MSRB3: variants seen among roughly 807,000 people sequenced by gnomAD.
MSRB3 encodes the protein methionine-R-sulfoxide reductase B3.
Under a neutral mutation model 21.0 loss-of-function variants are expected in MSRB3, and 13 were observed. That is an observed-to-expected ratio of 0.62 (90% CI 0.40 to 0.98). The LOEUF is 0.98. Ranked by LOEUF, MSRB3 falls within the 50% of genes least tolerant of loss-of-function variation. The pLI, the probability that MSRB3 is intolerant of heterozygous loss-of-function variation, is 0.00. For synonymous variants in MSRB3, 87 were observed against 88.6 expected (o/e 0.98, Z 0.10); for missense variants, 199 against 230.3 (o/e 0.86, Z 0.88).
rs892851312 is a variant in MSRB3 at position 65,446,465 on chromosome 12, C to T, written c.293-7263C>T. Among the ~76,000 whole-genome samples the T allele has an allele frequency of 9.9e-5, 15 of 152,092 alleles. No homozygotes were observed. In the South Asian group the frequency reaches 1.5e-3, roughly 15 times the overall value. The stretch of plus-strand genomic sequence containing the variant: ...TGTAGTTAGTAGAAAAATTATGATG[C>T]GTCAAATTTGTTGCTTCTTCAAATG... On this transcript the variant is annotated intron_variant, in intron 5 of 6. Coordinates refer to ENST00000308259, the MANE Select transcript of MSRB3 (RefSeq NM_001031679.3).
At chr12:65,441,288 G>A (rs1255477414) in intron 5 of MSRB3, among the ~76,000 whole-genome samples, 5 of 151,886 alleles carry the variant, frequency 3.3e-5, no homozygotes, top group African/African-American at 1.2e-4. Context: ...GTTCTCTGAG[G>A]TGCTCCTAGA....
chr12:65,410,300 C>A (rs1341622230), intron 5 of MSRB3, among the ~76,000 whole-genome samples: 1 of 151,998 alleles, frequency 6.6e-6, no homozygotes, highest in Non-Finnish European at 1.5e-5. Context: ...CTGTTTGGCA[C>A]CAGATCAATG....
At chr12:65,294,991 T>C (rs891299271) in intron 1 of MSRB3, among the ~76,000 whole-genome samples, 1 of 152,134 alleles carries the variant, frequency 6.6e-6, no homozygotes, top group Non-Finnish European at 1.5e-5. Flanking sequence ...CCACATCTGG[T>C]TACTTTTTTA....
chr12:65,418,262 A>T (rs1881085771), intron 5 of MSRB3, among the ~76,000 whole-genome samples: 1 of 152,104 alleles, frequency 6.6e-6, no homozygotes, highest in Admixed American at 6.5e-5. Context: ...AAGTCACCAC[A>T]CCCAGCTAAT....
intron 1 of MSRB3, among the ~76,000 whole-genome samples, chr12:65,298,355 A>G (rs771389684): frequency 1.6e-4 from 24 of 152,264 alleles, no homozygotes; most frequent in Non-Finnish European, 2.9e-4. Context: ...TAGTGAAGAA[A>G]GAAAGTAATA....
intron 5 of MSRB3, among the ~76,000 whole-genome samples, chr12:65,426,325 A>C (rs761062178): frequency 6.6e-6 from 1 of 152,034 alleles, no homozygotes; most frequent in African/African-American, 2.4e-5. Context: ...TTTCCTGGGC[A>C]TTCTTGGTTG....
At chr12:65,434,089 T>C (rs1882008690) in intron 5 of MSRB3, among the ~76,000 whole-genome samples, 1 of 151,964 alleles carries the variant, frequency 6.6e-6, no homozygotes, top group African/African-American at 2.4e-5. Context: ...CCTCATTTAG[T>C]GTATGGGGTC....
chr12:65,309,496 T>A (rs952560706), intron 2 of MSRB3, among the ~76,000 whole-genome samples: 1 of 152,184 alleles, frequency 6.6e-6, no homozygotes. Context: ...AAGGTAAAGC[T>A]GATTTTTTTC....
chr12:65,372,448 G>T (rs982855536), intron 5 of MSRB3, among the ~76,000 whole-genome samples: 2 of 152,214 alleles, frequency 1.3e-5, no homozygotes, highest in African/African-American at 4.8e-5. Context: ...TTTGCCAATT[G>T]AGAACAGTCA....
chr12:65,372,682 A>G (rs957510081), intron 5 of MSRB3, among the ~76,000 whole-genome samples: 4 of 152,220 alleles, frequency 2.6e-5, no homozygotes, highest in African/African-American at 9.6e-5. Context: ...CATTGAGTTT[A>G]ATGTAGTGAT....
intron 1 of MSRB3, among the ~76,000 whole-genome samples, chr12:65,302,153 T>C (rs372828600): frequency 8.5e-5 from 13 of 152,158 alleles, no homozygotes; most frequent in East Asian, 5.8e-4. Flanking sequence ...TAAGTAAATA[T>C]TGATATTTAT....
At chr12:65,447,880 G>T (rs901001146) in intron 5 of MSRB3, among the ~76,000 whole-genome samples, 1 of 152,100 alleles carries the variant, frequency 6.6e-6, no homozygotes, top group African/African-American at 2.4e-5. Context: ...AACTCAAAAA[G>T]TAAAATTTTG....
chr12:65,409,850 T>A (rs1035747560), intron 5 of MSRB3, among the ~76,000 whole-genome samples: 2 of 152,208 alleles, frequency 1.3e-5, no homozygotes, highest in African/African-American at 4.8e-5. Flanking sequence ...AGAAACAGAA[T>A]GCTTAGAATC....
chr12:65,315,648 A>G (rs981855103), intron 2 of MSRB3, among the ~76,000 whole-genome samples: 1 of 142,394 alleles, frequency 7.0e-6, no homozygotes, highest in East Asian at 2.1e-4. Flanking sequence ...AGCCTGGGCT[A>G]CAGGGTGAGA....
chr12:65,382,210 C>T (rs1269614561), intron 5 of MSRB3, among the ~76,000 whole-genome samples: 3 of 151,920 alleles, frequency 2.0e-5, no homozygotes, highest in Non-Finnish European at 4.4e-5. Context: ...AATTTAATGA[C>T]AACAAAAATA....
chr12:65,317,973 A>G (rs1184426881), intron 2 of MSRB3, among the ~76,000 whole-genome samples: 2 of 152,180 alleles, frequency 1.3e-5, no homozygotes, highest in Non-Finnish European at 2.9e-5. Flanking sequence ...GGTGCTGAGG[A>G]TGCAAAGATG....
Position 65,463,550 on chromosome 12 carries a change from A to G in MSRB3, c.*228A>G, listed in dbSNP as rs1007939195. 3.7e-6 allele frequency: 2 copies of G among 537,504 alleles called. No homozygotes were observed. The highest frequency in any genetic ancestry group is 6.5e-6 in the Non-Finnish European group (2 of 305,502). 33.3% of individuals were successfully genotyped at this position (537,504 alleles called of 1,614,324 possible). A position where few individuals can be genotyped will look rare whatever the true frequency, so the allele number is the denominator to read the frequency against. On this transcript the variant is annotated 3_prime_UTR_variant, in exon 7 of 7. Transcript: ENST00000308259. ...TAGCAAATGGAGACAGCTTTGTGAA[A>G]CTTCTTCACAAGCCACTTATACCCT... is the stretch of plus-strand genomic sequence containing the variant.
At chr12:65,375,741 A>C (rs191470036) in intron 5 of MSRB3, among the ~76,000 whole-genome samples, 1 of 152,120 alleles carries the variant, frequency 6.6e-6, no homozygotes, top group Admixed American at 6.5e-5. Flanking sequence ...CCAGCCCAAT[A>C]TTGTATTTTA....
chr12:65,355,601 C>A (rs1243785334), intron 4 of MSRB3, among the ~76,000 whole-genome samples: 2 of 151,804 alleles, frequency 1.3e-5, no homozygotes, highest in Admixed American at 1.3e-4. Flanking sequence ...AGGAAACTTG[C>A]TTTATGCCGC....
Sources: gnomAD v4.1 joint callset for allele counts (sites outside exome capture counted in the v4.1 genomes callset) on GRCh38, gnomAD v4.1.1 for gene constraint, MANE v1.5 for transcripts, NCBI Gene and HGNC (gene_info 2026-07-23, HGNC 2026-07-21) for gene names.